HIVEP1: variants seen among roughly 807,000 people sequenced by gnomAD.
HIVEP1 encodes the protein HIVEP zinc finger 1, also known as zinc finger protein 40.
HIVEP1 carries 36 observed loss-of-function variants against 180.0 expected under a neutral mutation model. The ratio of observed to expected loss-of-function variants is 0.20; its 90% confidence interval spans 0.15 to 0.26. HIVEP1 has a LOEUF of 0.26. HIVEP1 is among the 10% of genes least tolerant of loss of function. HIVEP1 has a pLI of 1.00. For missense variants in HIVEP1, 3,143 were observed against 3,268.7 expected, an observed-to-expected ratio of 0.96 and a Z score of 0.94; for synonymous variants, 1,239 against 1,239.0, an observed-to-expected ratio of 1.00 and a Z score of 0.00.
At chr6:12,018,564 A>T (rs1261959325) in intron 2 of HIVEP1, among the ~76,000 whole-genome samples, 2 of 152,266 alleles carry the variant, frequency 1.3e-5, no homozygotes, top group African/African-American at 4.8e-5. Flanking sequence ...ATGGTGAGAA[A>T]TGAATAGTAT....
chr6:12,107,794 CAGCCT>C (rs1182093410), intron 3 of HIVEP1, among the ~76,000 whole-genome samples: 11 of 152,192 alleles, frequency 7.2e-5, no homozygotes, highest in Admixed American at 7.2e-4. Context: ...CTGGCTCGGG[CAGCCT>C]GCTTTTATTC....
At chr6:12,105,595 A>G (rs769218168) in intron 3 of HIVEP1, among the ~76,000 whole-genome samples, 1 of 152,332 alleles carries the variant, frequency 6.6e-6, no homozygotes, top group Non-Finnish European at 1.5e-5. Context: ...CTTAATTACT[A>G]TAAGTCCCTT....
intron 2 of HIVEP1, among the ~76,000 whole-genome samples, chr6:12,043,355 A>ATTTTT (rs1304144063): frequency 9.1e-6 from 1 of 109,902 alleles, no homozygotes; most frequent in Non-Finnish European, 1.8e-5. Context: ...CTAAGTGAAA[A>ATTTTT]TTTTTTTTTT....
chr6:12,099,676 A>G (rs1371598633), intron 3 of HIVEP1, among the ~76,000 whole-genome samples: 1 of 152,146 alleles, frequency 6.6e-6, no homozygotes, highest in Non-Finnish European at 1.5e-5. Flanking sequence ...GCCCACAGTC[A>G]TAGCACAGCA....
chr6:12,208,112 T>G, the HIVEP1 span, among the ~76,000 whole-genome samples: 2 of 152,328 alleles, frequency 1.3e-5, no homozygotes, highest in East Asian at 3.9e-4. Flanking sequence ...TCATAGTGAT[T>G]ATTCTGGTCA....
intron 2 of HIVEP1, among the ~76,000 whole-genome samples, chr6:12,022,464 C>A (rs1311068206): frequency 3.3e-5 from 5 of 152,200 alleles, no homozygotes; most frequent in African/African-American, 1.2e-4. Flanking sequence ...GCCACCGTGC[C>A]TGGCCCATAT....
intron 3 of HIVEP1, among the ~76,000 whole-genome samples, chr6:12,094,034 G>C (rs1258922112): frequency 1.3e-5 from 2 of 151,884 alleles, no homozygotes; most frequent in Admixed American, 6.6e-5. Context: ...TCTGATACTT[G>C]TGTTTTCTTT....
At chr6:12,110,172 C>G (rs1211688206) in intron 3 of HIVEP1, among the ~76,000 whole-genome samples, 1 of 152,228 alleles carries the variant, frequency 6.6e-6, no homozygotes, top group Non-Finnish European at 1.5e-5. Context: ...CTGTACAGCA[C>G]AGGCAGAGTA....
intron 2 of HIVEP1, among the ~76,000 whole-genome samples, chr6:12,033,953 G>T (rs1345146491): frequency 2.6e-5 from 4 of 152,166 alleles, no homozygotes. Context: ...CTCATTTGTT[G>T]TAAGGTGAAA....
intron 2 of HIVEP1, among the ~76,000 whole-genome samples, chr6:12,060,608 T>C (rs967546002): frequency 1.2e-4 from 19 of 152,200 alleles, no homozygotes; most frequent in African/African-American, 4.6e-4. Context: ...GGATAGTTAA[T>C]ATCTTAAAGG....
At chr6:12,182,092 C>T in the HIVEP1 span, among the ~76,000 whole-genome samples, 1 of 152,146 alleles carries the variant, frequency 6.6e-6, no homozygotes, top group Non-Finnish European at 1.5e-5. Flanking sequence ...CAAGTTCATA[C>T]ATGGGGCCCA....
At chr6:12,205,260 G>A in the HIVEP1 span, among the ~76,000 whole-genome samples, 7 of 152,192 alleles carry the variant, frequency 4.6e-5, no homozygotes, top group East Asian at 1.9e-4. Context: ...TCTTGAGGTC[G>A]GGATATCGAG....
chr6:12,154,741 G>C (rs903010686), intron 7 of HIVEP1, among the ~76,000 whole-genome samples: 3 of 152,062 alleles, frequency 2.0e-5, no homozygotes, highest in Admixed American at 1.3e-4. Context: ...AACCTCCCTG[G>C]CACATGTATA....
chr6:12,082,478 G>C (rs17608874), intron 2 of HIVEP1, among the ~76,000 whole-genome samples: 23,094 of 151,966 alleles, frequency 0.15, 2,329 homozygotes, highest in Non-Finnish European at 0.23. Context: ...TAAAAGATAG[G>C]GTTTTCTAAG....
intron 2 of HIVEP1, among the ~76,000 whole-genome samples, chr6:12,041,489 A>G (rs1283507454): frequency 6.8e-6 from 1 of 148,128 alleles, no homozygotes; most frequent in Non-Finnish European, 1.5e-5. Context: ...TATACATTAC[A>G]TTCTAGCTTA....
chr6:12,131,539 C>T (rs1001079753), intron 6 of HIVEP1, among the ~76,000 whole-genome samples: 2 of 151,384 alleles, frequency 1.3e-5, no homozygotes, highest in African/African-American at 4.8e-5. Context: ...ATTTAGGACC[C>T]TTTCTGGTTT....
the HIVEP1 span, among the ~76,000 whole-genome samples, chr6:12,204,370 G>C: frequency 6.6e-6 from 1 of 152,052 alleles, no homozygotes; most frequent in Admixed American, 6.6e-5. Flanking sequence ...TCCCTTCCCC[G>C]TCTATCCTCC....
In HIVEP1 at chr6:12,164,192, C is replaced by T. The variant is rs757953031; in HGVS notation, c.7888C>T (p.Leu2630=). 3.7e-6 allele frequency: 6 copies of T among 1,614,068 alleles called. No individual in the cohort carries two copies. The Admixed American group carries it at 8.3e-5, about 22-fold the overall frequency. ...AGGTGACCATGCAAGGCTTGATGGCCTGAGTAAAATGGACACAGAGAAGGC... is the reference window on the plus strand; with the variant it reads ...AGGTGACCATGCAAGGCTTGATGGCTTGAGTAAAATGGACACAGAGAAGGC... ...PAGDHARLDG[L]SKMDTEKAAS... The change falls in exon 9 of 9, where the codon CTG becomes TTG. Residue 2630 remains leucine, a synonymous_variant. Transcript: ENST00000379388.
intron 2 of HIVEP1, among the ~76,000 whole-genome samples, chr6:12,045,145 C>G (rs952027691): frequency 6.6e-6 from 1 of 152,116 alleles, no homozygotes; most frequent in African/African-American, 2.4e-5. Flanking sequence ...TGTTCCTAAC[C>G]CTCGCCATCT....
Sources: gnomAD v4.1 joint callset for allele counts (sites outside exome capture counted in the v4.1 genomes callset) on GRCh38, gnomAD v4.1.1 for gene constraint, MANE v1.5 for transcripts, NCBI Gene and HGNC (gene_info 2026-07-23, HGNC 2026-07-21) for gene names.